The following LY96 variants were observed in gnomAD, a reference collection of about 807,000 sequenced individuals.
LY96 encodes the protein myeloid differentiation protein-2.
A neutral mutation model predicts 18.9 loss-of-function variants in LY96; 18 were observed. That is an observed-to-expected ratio of 0.95 (90% CI 0.66 to 1.41). The LOEUF (loss-of-function observed/expected upper bound fraction) is 1.41, where lower values mean the gene tolerates loss of function less well. LY96 is among the 40% of genes most tolerant of loss of function. The pLI is 0.00. For missense variants in LY96, 175 were observed against 182.4 expected (o/e 0.96, Z 0.23); for synonymous variants, 66 against 62.6 (o/e 1.06, Z -0.26).
At chr8:74,039,322 A>C in the LY96 span, among the ~76,000 whole-genome samples, 11 of 152,032 alleles carry the variant, frequency 7.2e-5, no homozygotes, top group Non-Finnish European at 1.6e-4. Flanking sequence ...TTGTCTCTTC[A>C]TTTTGTTGAT....
intron 2 of LY96, among the ~76,000 whole-genome samples, chr8:74,007,085 C>T (rs995270994): frequency 2.0e-5 from 3 of 152,210 alleles, no homozygotes; most frequent in Non-Finnish European, 4.4e-5. Context: ...ATCCCTGAGA[C>T]ACTCTTGGGC....
the LY96 span, among the ~76,000 whole-genome samples, chr8:74,082,254 C>G: frequency 6.6e-6 from 1 of 152,174 alleles, no homozygotes; most frequent in Non-Finnish European, 1.5e-5. Flanking sequence ...GTGAGTGACT[C>G]TTTCTTTATC....
the LY96 span, among the ~76,000 whole-genome samples, chr8:74,060,175 G>A: frequency 6.6e-6 from 1 of 152,146 alleles, no homozygotes; most frequent in Non-Finnish European, 1.5e-5. Flanking sequence ...CGACGACGAC[G>A]ACGACAACGA....
At chr8:74,012,725 A>G (rs1017298348) in intron 3 of LY96, among the ~76,000 whole-genome samples, 2 of 152,178 alleles carry the variant, frequency 1.3e-5, no homozygotes, top group African/African-American at 4.8e-5. Flanking sequence ...AACAAAATTT[A>G]TAATAAAATT....
At chr8:74,073,680 T>TA in the LY96 span, among the ~76,000 whole-genome samples, 25 of 143,468 alleles carry the variant, frequency 1.7e-4, no homozygotes, top group South Asian at 5.1e-3. Context: ...TTTATTTATT[T>TA]TGAGACGGAG....
chr8:74,057,819 G>A, the LY96 span, among the ~76,000 whole-genome samples: 6 of 152,286 alleles, frequency 3.9e-5, no homozygotes, highest in African/African-American at 1.4e-4. Flanking sequence ...CTTACCTTAC[G>A]TTTTATTCTC....
intron 2 of LY96, among the ~76,000 whole-genome samples, chr8:74,008,274 G>A (rs578110200): frequency 2.6e-5 from 4 of 152,194 alleles, no homozygotes; most frequent in Admixed American, 6.5e-5. Context: ...TGTGTTTCAC[G>A]AAGAAATGGA....
Position 74,002,098 on chromosome 8 carries a change from TCTCTC to T in LY96, c.113-2697_113-2693del, listed in dbSNP as rs1563710960. Among the ~76,000 whole-genome samples, 22 of 25,878 alleles carry T rather than the reference TCTCTC, an allele frequency of 8.5e-4. 1 individual carries two copies. Among genetic ancestry groups the T allele is most frequent in the East Asian group, 2.9e-3 (1 of 350 alleles). The allele number at this position is 25,878 out of a possible 152,430, so 17.0% of individuals were successfully genotyped here. On this transcript the variant is annotated intron_variant, in intron 1 of 4. Transcript: ENST00000284818. ...TCCTTTCTTTCTTTCTTTCTTTCTCTCTCTCTCTCTCTCTCTCTCTCTCTCTCTCT... is the reference window on the plus strand; with the variant it reads ...TCCTTTCTTTCTTTCTTTCTTTCTCTTCTCTCTCTCTCTCTCTCTCTCTCT...
rs1554603748 is a variant in LY96, at chr8:74,029,070, T to TC, written c.*16_*17insC. ...TTCAAATTAGAATAAATTGAGTATT[T>TC]AAAAAAAAATTTAAAGGTATTGTTC... On this transcript the variant is annotated 3_prime_UTR_variant, in exon 5 of 5. Coordinates refer to ENST00000284818, the MANE Select transcript of LY96 (RefSeq NM_015364.5). The TC allele has an allele frequency of 6.8e-7, 1 of 1,475,708 alleles. No homozygotes were observed. Among genetic ancestry groups the TC allele is most frequent in the African/African-American group, 1.4e-5 (1 of 72,458 alleles). The allele number at this position is 1,475,708 out of a possible 1,614,324, so 91.4% of individuals were successfully genotyped here.
At chr8:74,070,806 G>T in the LY96 span, among the ~76,000 whole-genome samples, 2 of 151,816 alleles carry the variant, frequency 1.3e-5, no homozygotes, top group Admixed American at 6.6e-5. Context: ...AGGACACAAG[G>T]GGTTTTTATT....
the LY96 span, among the ~76,000 whole-genome samples, chr8:74,045,017 G>A: frequency 4.6e-5 from 7 of 152,238 alleles, no homozygotes; most frequent in Non-Finnish European, 1.0e-4. Context: ...GCCATTGCTG[G>A]GGCTTCAGAG....
chr8:74,090,438 A>G, the LY96 span, among the ~76,000 whole-genome samples: 1 of 152,250 alleles, frequency 6.6e-6, no homozygotes, highest in African/African-American at 2.4e-5. Context: ...AGTTCTTATA[A>G]TAGAGCTATA....
intron 3 of LY96, among the ~76,000 whole-genome samples, chr8:74,022,794 T>A (rs1816796119): frequency 6.6e-6 from 1 of 152,116 alleles, no homozygotes; most frequent in Non-Finnish European, 1.5e-5. Flanking sequence ...TTGGCCAGGC[T>A]GGTCTCAAAC....
chr8:74,022,035 C>G (rs1465654138), intron 3 of LY96, among the ~76,000 whole-genome samples: 1 of 151,608 alleles, frequency 6.6e-6, no homozygotes. Flanking sequence ...GAAATCTGCA[C>G]ATTGTGCACA....
At chr8:74,068,206 G>A in the LY96 span, among the ~76,000 whole-genome samples, 1 of 151,108 alleles carries the variant, frequency 6.6e-6, no homozygotes, top group African/African-American at 2.4e-5. Context: ...CTGTATATCA[G>A]ATTTATTTTC....
At chr8:74,043,474 C>G in the LY96 span, among the ~76,000 whole-genome samples, 1 of 152,144 alleles carries the variant, frequency 6.6e-6, no homozygotes, top group Non-Finnish European at 1.5e-5. Flanking sequence ...TTGGGATAGA[C>G]CATGCAGCAG....
chr8:74,014,051 G>A (rs1211564553), intron 3 of LY96, among the ~76,000 whole-genome samples: 5 of 151,868 alleles, frequency 3.3e-5, no homozygotes, highest in Non-Finnish European at 5.9e-5. Flanking sequence ...ACGAGACGGC[G>A]GCCAGGGAGT....
chr8:74,015,648 C>T (rs918705516), intron 3 of LY96, among the ~76,000 whole-genome samples: 1 of 152,156 alleles, frequency 6.6e-6, no homozygotes, highest in Non-Finnish European at 1.5e-5. Flanking sequence ...AGGGCTTCAA[C>T]ATATCTTTTT....
the LY96 span, among the ~76,000 whole-genome samples, chr8:74,098,477 G>A: frequency 1.3e-5 from 2 of 152,128 alleles, no homozygotes; most frequent in African/African-American, 4.8e-5. Context: ...CTGGGCTCAA[G>A]CGATTCTCAT....
Sources: allele counts gnomAD v4.1 joint callset (sites outside exome capture counted in the v4.1 genomes callset), GRCh38; gene constraint gnomAD v4.1.1; transcripts MANE v1.5; gene names NCBI Gene and HGNC (gene_info 2026-07-23, HGNC 2026-07-21).